Variants in CSGALNACT2 observed in about 807,000 individuals in gnomAD.
CSGALNACT2 encodes chondroitin sulfate N-acetylgalactosaminyltransferase 2.
CSGALNACT2 carries 35 observed loss-of-function variants against 55.3 expected under a neutral mutation model. The observed-to-expected ratio is 0.63, with a 90% CI of 0.48 to 0.84. CSGALNACT2 has a LOEUF of 0.84. Ranked by LOEUF, CSGALNACT2 falls within the 40% of genes least tolerant of loss-of-function variation. CSGALNACT2 has a pLI of 0.00. For missense variants in CSGALNACT2, 544 were observed against 657.5 expected (o/e 0.83, Z 1.89); for synonymous variants, 196 against 224.9 (o/e 0.87, Z 1.15).
intron 1 of CSGALNACT2, among the ~76,000 whole-genome samples, chr10:43,142,307 G>A (rs2133086847): frequency 6.6e-6 from 1 of 152,148 alleles, no homozygotes; most frequent in Middle Eastern, 3.4e-3. Flanking sequence ...TGTTTCCTGG[G>A]TTCAAGTGAT....
In CSGALNACT2 at chr10:43,166,344, C is replaced by T. The variant is rs78788500; in HGVS notation, c.1160-660C>T. Among the ~76,000 whole-genome samples, 478 of 152,308 alleles carry T rather than the reference C, an allele frequency of 3.1e-3. 21 individuals are homozygous for T. In the East Asian group the frequency reaches 0.079, roughly 25 times the overall value. ...CACACTTCCTGACAATCACTGAACACTTCATGTGATCATATCTGATTGAAG... is the reference window on the plus strand; with the variant it reads ...CACACTTCCTGACAATCACTGAACATTTCATGTGATCATATCTGATTGAAG... On this transcript the variant is annotated intron_variant, in intron 5 of 7. Coordinates refer to ENST00000374466, the MANE Select transcript of CSGALNACT2 (RefSeq NM_018590.5).
intron 4 of CSGALNACT2, 122 bp downstream of exon 4, chr10:43,160,717 G>A (rs1839127570): frequency 7.8e-6 from 5 of 641,832 alleles, no homozygotes; most frequent in Non-Finnish European, 1.1e-5. Context: ...GAGCATGTGG[G>A]CGGTGGTGGT....
chr10:43,176,137 G>A, intron 7 of CSGALNACT2, 105 bp downstream of exon 7: 1 of 805,726 alleles, frequency 1.2e-6, no homozygotes, highest in Non-Finnish European at 1.9e-6. Context: ...AAGTATGAGT[G>A]TCTAAGGTTA....
intron 1 of CSGALNACT2, among the ~76,000 whole-genome samples, chr10:43,152,695 TAG>T (rs1243286014): frequency 1.3e-5 from 2 of 152,218 alleles, no homozygotes; most frequent in African/African-American, 4.8e-5. Flanking sequence ...TAATAAAAGA[TAG>T]TGGTAGTTCT....
At chr10:43,140,779 G>T (rs1019626610) in intron 1 of CSGALNACT2, among the ~76,000 whole-genome samples, 2 of 152,230 alleles carry the variant, frequency 1.3e-5, no homozygotes, top group African/African-American at 2.4e-5. Context: ...TATAGGGCTA[G>T]TTACAAATGT....
At position 43,155,472 on chromosome 10, in the gene CSGALNACT2, G is replaced by T. The variant is rs1238905930; in HGVS notation, c.323G>T (p.Gly108Val). 1.2e-6 allele frequency: 2 copies of T among 1,614,198 alleles called. No individual in the cohort carries two copies. Among genetic ancestry groups the T allele is most frequent in the South Asian group, 2.2e-5 (2 of 91,078 alleles). ...AGGAATGTAGGGGCTAATGGCATAG[G>T]CTATCAGAGCAACAAAGAGCAAGCA... is the stretch of plus-strand genomic sequence containing the variant. ...ERRNVGANGI[G>V]YQSNKEQAPS... The change falls in exon 2 of 8, where the codon GGC becomes GTC. Residue 108 changes from glycine to valine, a missense_variant. By Grantham distance (109) the Gly-to-Val change is moderately radical. Transcript: ENST00000374466.
At chr10:43,175,283 A>G (rs13377137) in intron 6 of CSGALNACT2, among the ~76,000 whole-genome samples, 4,474 of 152,342 alleles carry the variant, frequency 0.029, 166 homozygotes, top group East Asian at 0.097. Flanking sequence ...AGCAGGCCAG[A>G]TTTAGCCAGA....
At chr10:43,163,802 TGAAG>T in intron 4 of CSGALNACT2, 60 bp from the exon 5 acceptor site, 1 of 1,515,462 alleles carries the variant, frequency 6.6e-7, no homozygotes, top group South Asian at 1.3e-5. Context: ...TAAGCTGTGT[TGAAG>T]GAAGAAAATT....
intron 7 of CSGALNACT2, among the ~76,000 whole-genome samples, chr10:43,179,501 T>G (rs1839550223): frequency 6.6e-6 from 1 of 152,122 alleles, no homozygotes; most frequent in Non-Finnish European, 1.5e-5. Flanking sequence ...CTGTTGCTCC[T>G]CAGGGCCTGT....
intron 7 of CSGALNACT2, among the ~76,000 whole-genome samples, chr10:43,176,423 T>G (rs1245962306): frequency 6.6e-6 from 1 of 152,166 alleles, no homozygotes; most frequent in African/African-American, 2.4e-5. Flanking sequence ...TTTCACATTT[T>G]TTTGAGATGA....
At position 43,164,004 on chromosome 10, in the gene CSGALNACT2, A is replaced by G. The variant is rs1173693504; in HGVS notation, c.1119A>G (p.Ser373=). 6.2e-7 allele frequency: 1 copy of G among 1,613,834 alleles called. No homozygotes were observed. The highest frequency in any genetic ancestry group is 1.7e-5 in the Admixed American group (1 of 59,962). ...MFFCDVDIYF[S]AEFLNSCRLN... Reference sequence around the variant, plus strand: ...TCTGTGATGTTGATATCTATTTCTCAGCCGAATTCCTTAACAGCTGCCGGT... The same window carrying G: ...TCTGTGATGTTGATATCTATTTCTCGGCCGAATTCCTTAACAGCTGCCGGT... The change falls in exon 5 of 8, where the codon TCA becomes TCG. Residue 373 remains serine, a synonymous_variant. Coordinates refer to ENST00000374466, the MANE Select transcript of CSGALNACT2 (RefSeq NM_018590.5).
intron 6 of CSGALNACT2, among the ~76,000 whole-genome samples, chr10:43,171,302 CAAAT>C (rs1361776285): frequency 6.7e-6 from 1 of 150,194 alleles, no homozygotes; most frequent in East Asian, 1.9e-4. Flanking sequence ...CAAAAAGAGG[CAAAT>C]AAAGTCAACA....
chr10:43,168,455 A>C (rs993360263), intron 6 of CSGALNACT2, among the ~76,000 whole-genome samples: 2 of 152,132 alleles, frequency 1.3e-5, no homozygotes, highest in African/African-American at 4.8e-5. Context: ...CATCTCAAAA[A>C]AACAAAACAA....
chr10:43,176,700 G>A (rs11238465), intron 7 of CSGALNACT2, among the ~76,000 whole-genome samples: 27,708 of 152,148 alleles, frequency 0.18, 2,721 homozygotes, highest in Admixed American at 0.25. Context: ...AAGTAGCTGT[G>A]ACCACAGGCG....
intron 2 of CSGALNACT2, 61 bp from the exon 3 acceptor site, chr10:43,158,654 T>G (rs937983697): frequency 1.0e-6 from 1 of 967,700 alleles, no homozygotes; most frequent in Non-Finnish European, 1.6e-6. Flanking sequence ...AAAATCTGTC[T>G]TCCCATTGAA....
At chr10:43,168,755 T>C (rs968934450) in intron 6 of CSGALNACT2, among the ~76,000 whole-genome samples, 2 of 151,630 alleles carry the variant, frequency 1.3e-5, no homozygotes, top group African/African-American at 2.4e-5. Flanking sequence ...TAAATACAAA[T>C]AGGTTCAAAA....
At chr10:43,168,642 C>G (rs1235987506) in intron 6 of CSGALNACT2, among the ~76,000 whole-genome samples, 2 of 150,440 alleles carry the variant, frequency 1.3e-5, no homozygotes, top group African/African-American at 2.5e-5. Context: ...CCACCATTAT[C>G]TTCATATCAA....
At chr10:43,139,543 A>G (rs1257959112) in intron 1 of CSGALNACT2, among the ~76,000 whole-genome samples, 2 of 152,250 alleles carry the variant, frequency 1.3e-5, no homozygotes, top group Non-Finnish European at 2.9e-5. Context: ...ACGAATCTTA[A>G]TTGTACAGCT....
chr10:43,166,152 TGTG>T (rs1839260679), intron 5 of CSGALNACT2, among the ~76,000 whole-genome samples: 1 of 152,122 alleles, frequency 6.6e-6, no homozygotes, highest in Admixed American at 6.5e-5. Flanking sequence ...AAATGCAAAA[TGTG>T]AAAGTTGAAG....
Sources: gnomAD v4.1 joint callset for allele counts (sites outside exome capture counted in the v4.1 genomes callset) on GRCh38, gnomAD v4.1.1 for gene constraint, MANE v1.5 for transcripts, NCBI Gene and HGNC (gene_info 2026-07-23, HGNC 2026-07-21) for gene names.